The following SYCP1 variants were observed in gnomAD, a reference collection of about 807,000 sequenced individuals.
SYCP1 encodes the protein synaptonemal complex protein 1.
SYCP1 carries 64 observed loss-of-function variants against 153.1 expected under a neutral mutation model. The observed-to-expected ratio is 0.42, with a 90% confidence interval of 0.34 to 0.51. The LOEUF is 0.51. SYCP1 is among the 20% of genes least tolerant of loss of function. SYCP1 has a pLI of 0.06. For synonymous variants in SYCP1, 384 were observed against 341.8 expected, an observed-to-expected ratio of 1.12 and a Z score of -1.36; for missense variants, 997 against 1,049.0, an observed-to-expected ratio of 0.95 and a Z score of 0.68.
intron 23 of SYCP1, among the ~76,000 whole-genome samples, chr1:114,943,058 A>C (rs1670484974): frequency 6.6e-6 from 1 of 152,030 alleles, no homozygotes; most frequent in South Asian, 2.1e-4. Flanking sequence ...TGGAAAGTGC[A>C]AATTATACAA....
At chr1:114,907,128 A>G (rs1667862628) in intron 16 of SYCP1, among the ~76,000 whole-genome samples, 1 of 152,146 alleles carries the variant, frequency 6.6e-6, no homozygotes, top group Non-Finnish European at 1.5e-5. Flanking sequence ...ATTTTAACAT[A>G]TTATTATAGC....
intron 23 of SYCP1, among the ~76,000 whole-genome samples, chr1:114,936,290 A>G (rs1670006114): frequency 6.6e-6 from 1 of 152,220 alleles, no homozygotes; most frequent in Non-Finnish European, 1.5e-5. Context: ...AAACAGAACC[A>G]AAGACAAAAA....
chr1:114,976,107 A>G (rs1025665082), intron 27 of SYCP1, among the ~76,000 whole-genome samples: 1 of 151,950 alleles, frequency 6.6e-6, no homozygotes, highest in East Asian at 1.9e-4. Context: ...TTGATGTGCA[A>G]TTACCCATGT....
chr1:114,871,263 G>T (rs947899553), intron 8 of SYCP1, among the ~76,000 whole-genome samples: 11 of 151,746 alleles, frequency 7.2e-5, no homozygotes, highest in African/African-American at 2.4e-4. Context: ...CACCTTCCGG[G>T]ATCAAGTGAT....
intron 15 of SYCP1, among the ~76,000 whole-genome samples, chr1:114,890,027 G>A (rs1306396021): frequency 6.6e-6 from 1 of 152,028 alleles, no homozygotes; most frequent in Non-Finnish European, 1.5e-5. Flanking sequence ...TATTAAAAAT[G>A]CAATTGTATT....
chr1:114,920,039 T>C (rs1328328176), intron 20 of SYCP1, among the ~76,000 whole-genome samples: 1 of 152,078 alleles, frequency 6.6e-6, no homozygotes, highest in Non-Finnish European at 1.5e-5. Context: ...AATTTGGGTT[T>C]GGTTTGCTCT....
chr1:114,957,084 A>G (rs1255067323), intron 27 of SYCP1, among the ~76,000 whole-genome samples: 1 of 150,324 alleles, frequency 6.7e-6, no homozygotes, highest in Non-Finnish European at 1.5e-5. Flanking sequence ...GTTTTTGTAG[A>G]AACAGGGTTT....
chr1:114,876,421 G>T (rs1036073439), intron 10 of SYCP1, among the ~76,000 whole-genome samples: 5 of 151,448 alleles, frequency 3.3e-5, no homozygotes, highest in Admixed American at 2.6e-4. Context: ...GGTATAGTAT[G>T]CATGTTAAAA....
intron 30 of SYCP1, among the ~76,000 whole-genome samples, chr1:114,986,884 A>G (rs938754156): frequency 6.6e-6 from 1 of 151,954 alleles, no homozygotes; most frequent in Non-Finnish European, 1.5e-5. Flanking sequence ...GGTTGATTTC[A>G]GCCTAAAATA....
At position 114,874,007 on chromosome 1, in the gene SYCP1, C is replaced by T. The variant is rs1665344690; in HGVS notation, c.599-499C>T. ...TCTGCCTCCCAAAGTGCTAGGATTA[C>T]AGGCGTGAGCCACCACACCCAGCCT... On this transcript the variant is annotated intron_variant, in intron 8 of 31. Coordinates refer to ENST00000369522, the MANE Select transcript of SYCP1 (RefSeq NM_003176.4). Among the ~76,000 whole-genome samples, 3 of 152,180 alleles carry T rather than the reference C, an allele frequency of 2.0e-5. No individual in the cohort carries two copies. In the South Asian group the frequency reaches 6.2e-4, roughly 32 times the overall value.
intron 20 of SYCP1, among the ~76,000 whole-genome samples, chr1:114,917,841 A>C (rs1668609113): frequency 6.6e-6 from 1 of 151,838 alleles, no homozygotes; most frequent in Non-Finnish European, 1.5e-5. Context: ...TATTAGACTT[A>C]TTCCCATAGA....
At chr1:114,881,265 CT>C (rs372312382) in intron 12 of SYCP1, among the ~76,000 whole-genome samples, 1 of 151,404 alleles carries the variant, frequency 6.6e-6, no homozygotes, top group Non-Finnish European at 1.5e-5. Context: ...TTTCTTTGCT[CT>C]TTTTTTTGGT....
chr1:114,894,775 A>G (rs1354094315), intron 15 of SYCP1, among the ~76,000 whole-genome samples: 1 of 152,132 alleles, frequency 6.6e-6, no homozygotes, highest in East Asian at 1.9e-4. Context: ...GTTATTGGTG[A>G]TCCTTAAGAT....
rs1293896395 is a variant in SYCP1 at position 114,994,912 on chromosome 1, A to G, written c.2824A>G (p.Thr942Ala). Residue 942 changes from threonine to alanine, a missense_variant, in exon 32 of 32, where the codon ACA (threonine) becomes GCA (alanine). Physicochemically the swap from Thr to Ala is moderately conservative, Grantham distance 58. Coordinates refer to ENST00000369522, the MANE Select transcript of SYCP1 (RefSeq NM_003176.4). Reference protein sequence around the residue: ...APSSLTTPGSTLKFGAIRKMR... With the variant: ...APSSLTTPGSALKFGAIRKMR... ...TTCATCTCTAACAACCCCTGGATCT[A>G]CACTGAAGTTTGGAGCTATAAGAAA... The G allele has an allele frequency of 8.7e-6, 14 of 1,608,804 alleles. No individual in the cohort carries two copies. The highest frequency in any genetic ancestry group is 5.0e-5 in the Admixed American group (3 of 59,468).
chr1:114,871,098 A>C (rs931563863), intron 8 of SYCP1, among the ~76,000 whole-genome samples: 5 of 151,926 alleles, frequency 3.3e-5, no homozygotes, highest in Non-Finnish European at 5.9e-5. Flanking sequence ...ATCCAAGTCG[A>C]CTTTCAAATA....
At chr1:114,898,255 T>C (rs994851683) in intron 16 of SYCP1, among the ~76,000 whole-genome samples, 1 of 152,180 alleles carries the variant, frequency 6.6e-6, no homozygotes. Flanking sequence ...AACTGAGTTT[T>C]CCTCCAACAA....
intron 27 of SYCP1, among the ~76,000 whole-genome samples, chr1:114,951,285 C>A (rs752744659): frequency 1.3e-5 from 2 of 151,502 alleles, no homozygotes; most frequent in Non-Finnish European, 2.9e-5. Flanking sequence ...AAAACATAAA[C>A]AAAAAGAACC....
intron 5 of SYCP1, among the ~76,000 whole-genome samples, 178 bp from the exon 6 acceptor site, chr1:114,858,366 AAGT>A (rs367545157): frequency 9.9e-5 from 15 of 152,208 alleles, no homozygotes; most frequent in African/African-American, 3.6e-4. Flanking sequence ...AACTTTAATG[AAGT>A]AGTTAATATT....
rs138876080 is a variant in SYCP1 at position 114,856,287 on chromosome 1, T to C, written c.109-286T>C. Reference sequence around the variant, plus strand: ...AAACTGAAGAAATCTACTAATATTGTTCTATACTACTAGTTAGATTTACTA... The same window carrying C: ...AAACTGAAGAAATCTACTAATATTGCTCTATACTACTAGTTAGATTTACTA... On this transcript the variant is annotated intron_variant, in intron 2 of 31. Coordinates refer to ENST00000369522, the MANE Select transcript of SYCP1 (RefSeq NM_003176.4). Among the ~76,000 whole-genome samples, 1,009 of 152,330 alleles carry C rather than the reference T, an allele frequency of 6.6e-3. 15 individuals carry two copies. The highest frequency in any genetic ancestry group is 0.023 in the African/African-American group (946 of 41,578).
Sources: gnomAD v4.1 joint callset for allele counts (sites outside exome capture counted in the v4.1 genomes callset) on GRCh38, gnomAD v4.1.1 for gene constraint, MANE v1.5 for transcripts, NCBI Gene and HGNC (gene_info 2026-07-23, HGNC 2026-07-21) for gene names.